SIPA1L1: variants seen among roughly 807,000 people sequenced by gnomAD.
SIPA1L1 encodes the protein signal-induced proliferation-associated 1-like protein 1.
SIPA1L1 carries 26 observed loss-of-function variants against 162.7 expected under a neutral mutation model. The observed-to-expected ratio is 0.16, with a 90% CI of 0.12 to 0.22. SIPA1L1 has a LOEUF of 0.22. Among genes scored for constraint, SIPA1L1 ranks in the 10% least tolerant of loss-of-function variants. SIPA1L1 has a pLI of 1.00. For synonymous variants in SIPA1L1, 829 were observed against 837.4 expected, an observed-to-expected ratio of 0.99 and a Z score of 0.17; for missense variants, 1,874 against 2,241.0, an observed-to-expected ratio of 0.84 and a Z score of 3.31.
chr14:71,538,322 G>A (rs1010631807), intron 4 of SIPA1L1, among the ~76,000 whole-genome samples: 4 of 151,170 alleles, frequency 2.6e-5, no homozygotes, highest in Non-Finnish European at 4.4e-5. Context: ...ATAAAATTTT[G>A]TTCTGAAATT....
chr14:71,609,710 A>G (rs1477316099), intron 5 of SIPA1L1, among the ~76,000 whole-genome samples: 2 of 151,860 alleles, frequency 1.3e-5, no homozygotes, highest in Admixed American at 6.6e-5. Flanking sequence ...CAAGCAATCC[A>G]TCCACCTCGG....
intron 4 of SIPA1L1, among the ~76,000 whole-genome samples, chr14:71,565,154 G>GT (rs1399140763): frequency 6.6e-6 from 1 of 152,094 alleles, no homozygotes; most frequent in Non-Finnish European, 1.5e-5. Context: ...CTAGTGTCTT[G>GT]TTTTTCATGT....
intron 2 of SIPA1L1, among the ~76,000 whole-genome samples, chr14:71,432,233 C>T (rs1283609296): frequency 6.6e-6 from 1 of 151,984 alleles, no homozygotes; most frequent in Non-Finnish European, 1.5e-5. Context: ...TGCCACCTTG[C>T]CTGACTAATT....
At chr14:71,633,830 G>A (rs971399022) in intron 7 of SIPA1L1, among the ~76,000 whole-genome samples, 5 of 152,102 alleles carry the variant, frequency 3.3e-5, no homozygotes, top group Non-Finnish European at 7.4e-5. Flanking sequence ...AGAGCTTCAC[G>A]GTTTGTGGGG....
intron 12 of SIPA1L1, among the ~76,000 whole-genome samples, chr14:71,677,744 T>A (rs1042662072): frequency 8.5e-5 from 13 of 152,222 alleles, no homozygotes; most frequent in Admixed American, 3.3e-4. Flanking sequence ...CTGTGCCCAT[T>A]TCTAGTTTTT....
chr14:71,513,345 G>A (rs2051358441), intron 3 of SIPA1L1, among the ~76,000 whole-genome samples: 1 of 152,098 alleles, frequency 6.6e-6, no homozygotes, highest in Non-Finnish European at 1.5e-5. Flanking sequence ...TTGTTGGTGT[G>A]TGTAGAAGAA....
At chr14:71,639,007 A>G (rs1315551157) in intron 7 of SIPA1L1, among the ~76,000 whole-genome samples, 1 of 152,242 alleles carries the variant, frequency 6.6e-6, no homozygotes, top group Non-Finnish European at 1.5e-5. Context: ...AGCCCAGGCA[A>G]CACAGTGAGA....
At chr14:71,394,153 C>T (rs1326990641) in intron 2 of SIPA1L1, among the ~76,000 whole-genome samples, 6 of 152,210 alleles carry the variant, frequency 3.9e-5, no homozygotes, top group African/African-American at 1.4e-4. Flanking sequence ...TCTTTATCCC[C>T]TGCCAACATA....
intron 5 of SIPA1L1, among the ~76,000 whole-genome samples, chr14:71,596,180 A>C (rs904622281): frequency 5.9e-5 from 9 of 152,178 alleles, no homozygotes; most frequent in African/African-American, 2.2e-4. Context: ...AGGCAGGGAG[A>C]GCCTCAGACC....
At chr14:71,693,158 T>G (rs2081367113) in intron 13 of SIPA1L1, among the ~76,000 whole-genome samples, 1 of 152,176 alleles carries the variant, frequency 6.6e-6, no homozygotes, top group South Asian at 2.1e-4. Context: ...AAATTTGAAA[T>G]CCAGAATGCT....
chr14:71,614,640 G>A (rs901143691), intron 5 of SIPA1L1, among the ~76,000 whole-genome samples: 10 of 152,096 alleles, frequency 6.6e-5, no homozygotes, highest in South Asian at 2.1e-4. Flanking sequence ...TCTTCCTAGC[G>A]TTATCTAACC....
At chr14:71,403,642 T>C (rs2140101502) in intron 2 of SIPA1L1, among the ~76,000 whole-genome samples, 1 of 151,980 alleles carries the variant, frequency 6.6e-6, no homozygotes, top group African/African-American at 2.4e-5. Flanking sequence ...CATATTGTTT[T>C]CACATTCTAC....
At chr14:71,663,306 A>T (rs2043704568) in intron 10 of SIPA1L1, among the ~76,000 whole-genome samples, 1 of 152,184 alleles carries the variant, frequency 6.6e-6, no homozygotes, top group Admixed American at 6.5e-5. Flanking sequence ...TGTAACCTGA[A>T]GTACATTTTA....
chr14:71,562,151 G>A (rs1264793850), intron 4 of SIPA1L1, among the ~76,000 whole-genome samples: 2 of 151,462 alleles, frequency 1.3e-5, no homozygotes, highest in Non-Finnish European at 2.9e-5. Flanking sequence ...CAATCTATGT[G>A]CCTGATAGTG....
chr14:71,658,590 A>G (rs2043259524), intron 9 of SIPA1L1, among the ~76,000 whole-genome samples, 154 bp downstream of exon 9: 2 of 152,376 alleles, frequency 1.3e-5, no homozygotes, highest in African/African-American at 4.8e-5. Flanking sequence ...GGAATAGCAA[A>G]TGAACTGAAA....
intron 4 of SIPA1L1, among the ~76,000 whole-genome samples, chr14:71,552,935 A>C (rs1044654613): frequency 6.6e-6 from 1 of 151,972 alleles, no homozygotes; most frequent in African/African-American, 2.4e-5. Context: ...GGGTCAGATA[A>C]TTTTGTTGTG....
chr14:71,454,315 G>T (rs2046036755), intron 2 of SIPA1L1, among the ~76,000 whole-genome samples: 1 of 152,154 alleles, frequency 6.6e-6, no homozygotes, highest in African/African-American at 2.4e-5. Context: ...ATAGTATTTA[G>T]AACCTTTGGT....
intron 2 of SIPA1L1, among the ~76,000 whole-genome samples, chr14:71,469,183 A>G (rs910624599): frequency 3.3e-5 from 5 of 151,162 alleles, no homozygotes; most frequent in Non-Finnish European, 7.4e-5. Context: ...GACCTTACCC[A>G]TCCGCAGAGT....
Position 71,723,738 on chromosome 14 carries a change from C to G in SIPA1L1, c.4300C>G (p.Gln1434Glu). The stretch of plus-strand genomic sequence containing the variant: ...AGAGCTTCATCCAGCTGCCCCCTCA[C>G]AGCTCGCACCATCCTTCTCCTCCTC... The part of the protein sequence containing the change: ...KEELHPAAPS[Q>E]LAPSFSSSSS... The change falls in exon 18 of 24, where the codon CAG becomes GAG. Residue 1434 changes from glutamine (Q) to glutamate (E), a missense_variant. By Grantham distance (29) the Gln-to-Glu change is conservative. Coordinates refer to ENST00000381232, the MANE Select transcript of SIPA1L1 (RefSeq NM_001386936.1). The G allele has an allele frequency of 6.2e-7, 1 of 1,614,250 alleles. No homozygotes were observed. Among genetic ancestry groups the G allele is most frequent in the Middle Eastern group, 1.6e-4 (1 of 6,062 alleles).
Sources: gnomAD v4.1 joint callset for allele counts (sites outside exome capture counted in the v4.1 genomes callset) on GRCh38, gnomAD v4.1.1 for gene constraint, MANE v1.5 for transcripts, NCBI Gene and HGNC (gene_info 2026-07-23, HGNC 2026-07-21) for gene names.